IQCE: variants seen among roughly 807,000 people sequenced by gnomAD.
The protein encoded by IQCE is IQ motif containing E, also known as IQ domain-containing protein E.
Under a neutral mutation model 96.0 loss-of-function variants are expected in IQCE, and 115 were observed. The observed-to-expected ratio is 1.20, with a 90% CI of 1.03 to 1.40. The LOEUF (loss-of-function observed/expected upper bound fraction) is 1.40, where lower values mean the gene tolerates loss of function less well. Ranked by LOEUF, IQCE falls within the 40% of genes most tolerant of loss-of-function variation. IQCE has a pLI of 0.00. For missense variants in IQCE, 1,041 were observed against 909.1 expected (o/e 1.15, Z -1.87); for synonymous variants, 412 against 371.2 (o/e 1.11, Z -1.26).
chr7:2,586,492 C>A, intron 12 of IQCE, 121 bp downstream of exon 12: 1 of 1,091,178 alleles, frequency 9.2e-7, no homozygotes, highest in Non-Finnish European at 1.3e-6. Context: ...AACCCTTGGG[C>A]AACGCCAGTT....
At position 2,598,447 on chromosome 7, in the gene IQCE, T is replaced by C. The variant is rs1291719353; in HGVS notation, c.1441-18T>C. ...TGCCCTGGCTTCATTGTCCTCTTAC[T>C]CCTTCAATTTCCTGCAGGCCCAAGA... On this transcript the variant is annotated intron_variant, in intron 16 of 21. Coordinates refer to ENST00000402050, the MANE Select transcript of IQCE (RefSeq NM_152558.5). 1 of 1,555,334 alleles carries C rather than the reference T, an allele frequency of 6.4e-7. No homozygotes were observed. Among genetic ancestry groups the C allele is most frequent in the Non-Finnish European group, 8.7e-7 (1 of 1,150,578 alleles).
chr7:2,605,457 A>G (rs917055915), intron 19 of IQCE, among the ~76,000 whole-genome samples: 4 of 152,008 alleles, frequency 2.6e-5, no homozygotes, highest in Admixed American at 1.3e-4. Flanking sequence ...TGTCTCTACT[A>G]AAAACACAAA....
intron 12 of IQCE, 112 bp downstream of exon 12, chr7:2,586,483 AC>A (rs1241811711): frequency 8.3e-7 from 1 of 1,198,758 alleles, no homozygotes; most frequent in Non-Finnish European, 1.2e-6. Context: ...GCAGATGTGA[AC>A]CCTTGGGCAA....
At chr7:2,564,332 C>G (rs1040831964) in intron 1 of IQCE, among the ~76,000 whole-genome samples, 5 of 152,264 alleles carry the variant, frequency 3.3e-5, no homozygotes, top group Admixed American at 1.3e-4. Context: ...CAGTGACTCA[C>G]ACCTATAGCC....
intron 13 of IQCE, among the ~76,000 whole-genome samples, chr7:2,589,312 A>C (rs888651782): frequency 6.6e-6 from 1 of 152,144 alleles, no homozygotes; most frequent in Non-Finnish European, 1.5e-5. Flanking sequence ...AGGATGCAGC[A>C]AGCTGTGATT....
At chr7:2,587,726 G>C in intron 12 of IQCE, 96 bp from the exon 13 acceptor site, 1 of 1,251,584 alleles carries the variant, frequency 8.0e-7, no homozygotes, top group South Asian at 1.2e-5. Context: ...GGCTGCTCCG[G>C]CTGCGGAAGA....
intron 2 of IQCE, 54 bp downstream of exon 2, chr7:2,567,217 G>C (rs1781445107): frequency 7.0e-7 from 1 of 1,420,994 alleles, no homozygotes; most frequent in African/African-American, 1.4e-5. Flanking sequence ...CGCTGCCCTT[G>C]CAGACTGCAC....
intron 17 of IQCE, among the ~76,000 whole-genome samples, chr7:2,600,978 G>A (rs2029993357): frequency 1.3e-5 from 2 of 152,160 alleles, no homozygotes; most frequent in African/African-American, 4.8e-5. Flanking sequence ...CAGTGATCCA[G>A]ACCCCTGAAC....
intron 21 of IQCE, chr7:2,607,637 C>T (rs1272509724): frequency 1.1e-6 from 1 of 910,296 alleles, no homozygotes; most frequent in Non-Finnish European, 1.4e-6. Context: ...TGGTGTGAGG[C>T]CTCATCCCTG....
At chr7:2,588,449 G>C (rs7779365) in intron 13 of IQCE, among the ~76,000 whole-genome samples, 19,665 of 151,060 alleles carry the variant, frequency 0.13, 1,470 homozygotes, top group Non-Finnish European at 0.14. Flanking sequence ...CGCCTCCCGA[G>C]TTCAAGTGAT....
intron 1 of IQCE, among the ~76,000 whole-genome samples, chr7:2,563,404 T>TGC: frequency 1.3e-5 from 2 of 151,766 alleles, no homozygotes; most frequent in African/African-American, 4.8e-5. Context: ...TGTGTGTGTG[T>TGC]GTGTGTGTAC....
At chr7:2,606,090 C>G (rs895971814) in intron 20 of IQCE, 93 bp downstream of exon 20, 2 of 1,406,234 alleles carry the variant, frequency 1.4e-6, no homozygotes, top group Non-Finnish European at 1.9e-6. Context: ...GGGCATGTGG[C>G]GGAAACTGGA....
intron 16 of IQCE, 102 bp from the exon 17 acceptor site, chr7:2,598,363 A>C (rs1024919481): frequency 1.5e-5 from 17 of 1,171,814 alleles, no homozygotes; most frequent in Non-Finnish European, 1.8e-5. Flanking sequence ...CTCACCTGAT[A>C]AGCGCAGCCG....
At chr7:2,559,977 C>A (rs748051597) in intron 1 of IQCE, among the ~76,000 whole-genome samples, 1 of 151,684 alleles carries the variant, frequency 6.6e-6, no homozygotes, top group Non-Finnish European at 1.5e-5. Flanking sequence ...TGGGCAACAT[C>A]GCAAGACCCC....
intron 2 of IQCE, 78 bp from the exon 3 acceptor site, chr7:2,568,876 T>G: frequency 7.3e-7 from 1 of 1,370,970 alleles, no homozygotes; most frequent in Non-Finnish European, 1.0e-6. Context: ...CCCCTGACCC[T>G]TTCTGAACAT....
intron 20 of IQCE, among the ~76,000 whole-genome samples, chr7:2,606,283 G>A (rs1246127461): frequency 1.3e-5 from 2 of 151,906 alleles, no homozygotes; most frequent in African/African-American, 2.4e-5. Flanking sequence ...TTCACACACC[G>A]TGTAGCTCAG....
At chr7:2,574,451 C>CT (rs1781976352) in intron 6 of IQCE, among the ~76,000 whole-genome samples, 1 of 152,238 alleles carries the variant, frequency 6.6e-6, no homozygotes, top group Non-Finnish European at 1.5e-5. Flanking sequence ...GAAGAACGCT[C>CT]TAACCACGAG....
At chr7:2,576,453 T>A (rs1399534845) in intron 6 of IQCE, among the ~76,000 whole-genome samples, 2 of 152,062 alleles carry the variant, frequency 1.3e-5, no homozygotes, top group East Asian at 3.9e-4. Flanking sequence ...CACTCTCGTC[T>A]AGGCTGGAGT....
At chr7:2,597,004 A>G in intron 16 of IQCE, 1 of 471,286 alleles carries the variant, frequency 2.1e-6, no homozygotes, top group South Asian at 1.5e-5. Context: ...GGAAGATTAC[A>G]CTCCCAGGTC....
Sources: gnomAD v4.1 joint callset for allele counts (sites outside exome capture counted in the v4.1 genomes callset) on GRCh38, gnomAD v4.1.1 for gene constraint, MANE v1.5 for transcripts, NCBI Gene and HGNC (gene_info 2026-07-23, HGNC 2026-07-21) for gene names.